The following SIPA1L2 variants were observed in gnomAD, a reference collection of about 807,000 sequenced individuals.
SIPA1L2 encodes signal induced proliferation associated 1 like 2.
A neutral mutation model predicts 163.9 loss-of-function variants in SIPA1L2; 56 were observed. That is an observed-to-expected ratio of 0.34 (90% CI 0.28 to 0.43). SIPA1L2 has a LOEUF of 0.43. Ranked by LOEUF, SIPA1L2 falls within the 20% of genes least tolerant of loss-of-function variation. The pLI is 1.00. For missense variants in SIPA1L2, 1,974 were observed against 2,193.5 expected (o/e 0.90, Z 2.00); for synonymous variants, 877 against 865.7 (o/e 1.01, Z -0.23).
chr1:232,469,237 C>T (rs192769026), intron 8 of SIPA1L2, among the ~76,000 whole-genome samples: 171 of 152,342 alleles, frequency 1.1e-3, no homozygotes, highest in Admixed American at 2.4e-3. Flanking sequence ...AAACAGCTTT[C>T]ACGGGAGCTT....
intron 2 of SIPA1L2, among the ~76,000 whole-genome samples, chr1:232,543,840 A>C (rs1657844326): frequency 6.6e-6 from 1 of 152,162 alleles, no homozygotes; most frequent in Admixed American, 6.5e-5. Flanking sequence ...TGCACTCCAG[A>C]CTGGGTGACA....
chr1:232,483,824 A>T lies in SIPA1L2; in HGVS notation c.1949T>A (p.Phe650Tyr). 1 of 1,613,998 alleles carries T rather than the reference A, an allele frequency of 6.2e-7. No homozygotes were observed. The highest frequency in any genetic ancestry group is 8.5e-7 in the Non-Finnish European group (1 of 1,179,930). Reference protein sequence around the residue: ...LLGQRVRLKGFSKYRAQLDNK... With the variant: ...LLGQRVRLKGYSKYRAQLDNK... ...GTCTAGCTGAGCTCGATATTTACTA[A>T]ATCCTTTCAGTCGGACTCTCTGGCC... Residue 650 changes from phenylalanine to tyrosine, a missense_variant, in exon 6 of 23, where the codon TTT (phenylalanine) becomes TAT (tyrosine). Phe to Tyr is a conservative substitution (Grantham distance 22). Coordinates refer to ENST00000674635, the MANE Select transcript of SIPA1L2 (RefSeq NM_020808.5).
chr1:232,402,377 C>T lies in SIPA1L2; in HGVS notation c.5022+15G>A. The T allele has an allele frequency of 6.2e-7, 1 of 1,609,824 alleles. No homozygotes were observed. The highest frequency in any genetic ancestry group is 1.1e-5 in the South Asian group (1 of 90,724). On this transcript the variant is annotated intron_variant, in intron 22 of 22. Coordinates refer to ENST00000674635, the MANE Select transcript of SIPA1L2 (RefSeq NM_020808.5). ...TAAGAGAAACAGTTCTGATTATGCT[C>T]TTCCAATTGATTACCTTCCGAAGGT... is the stretch of plus-strand genomic sequence containing the variant.
chr1:232,402,463 G>A lies in SIPA1L2; in HGVS notation c.4951C>T (p.Pro1651Ser), dbSNP rs371483936. The stretch of plus-strand genomic sequence containing the variant: ...TTGACTTTCCCGGTCAGTGGTGATG[G>A]AGAACGCTCCCTAGCAAATAAGGAT... ...EFMDTTGERS[P>S]SPLTGKVNQL... Residue 1651 changes from proline to serine, a missense_variant, in exon 22 of 23, where the codon CCA becomes TCA. Physicochemically the swap from Pro to Ser is moderately conservative, Grantham distance 74 (BLOSUM62 -1). This residue lies in a region of SIPA1L2 where 1,079 missense variants were observed against 1,150.7 expected (regional missense o/e 0.94). Coordinates refer to ENST00000674635, the MANE Select transcript of SIPA1L2 (RefSeq NM_020808.5). 19 of 1,613,290 alleles carry A rather than the reference G, an allele frequency of 1.2e-5. No individual in the cohort carries two copies. Among genetic ancestry groups the A allele is most frequent in the Non-Finnish European group, 1.1e-5 (13 of 1,179,398 alleles).
At chr1:232,555,174 C>T (rs1658627184) in intron 2 of SIPA1L2, among the ~76,000 whole-genome samples, 1 of 152,174 alleles carries the variant, frequency 6.6e-6, no homozygotes, top group East Asian at 1.9e-4. Context: ...TGAAACCACC[C>T]AAACATTATT....
chr1:232,465,832 A>G lies in SIPA1L2; in HGVS notation c.2244-416T>C, dbSNP rs1401762541. ...TCCAACTGACTGGTGTCCTTATAAG[A>G]GGAGAAAATTTGGGCTTACAAAGAG... On this transcript the variant is annotated intron_variant, in intron 8 of 22. Coordinates refer to ENST00000674635, the MANE Select transcript of SIPA1L2 (RefSeq NM_020808.5). This position sits in a 1 kb window ranked among gnomAD's most constrained non-coding sequence, Gnocchi z 4.1. Among the ~76,000 whole-genome samples, 1 of 151,328 alleles carries G rather than the reference A, an allele frequency of 6.6e-6. No homozygotes were observed. The highest frequency in any genetic ancestry group is 1.5e-5 in the Non-Finnish European group (1 of 67,930).
intron 3 of SIPA1L2, among the ~76,000 whole-genome samples, chr1:232,509,866 A>G (rs920484676): frequency 7.9e-5 from 12 of 152,186 alleles, no homozygotes; most frequent in Non-Finnish European, 1.8e-4. Flanking sequence ...CGCTGGAGAG[A>G]GAACAGAGCA....
chr1:232,622,979 C>T (rs1339276781), intron 1 of SIPA1L2, among the ~76,000 whole-genome samples: 1 of 152,178 alleles, frequency 6.6e-6, no homozygotes, highest in African/African-American at 2.4e-5. Flanking sequence ...CACCTAAGTG[C>T]AGGGAATACA....
At chr1:232,524,976 T>A (rs75003174) in intron 2 of SIPA1L2, among the ~76,000 whole-genome samples, 2,307 of 152,232 alleles carry the variant, frequency 0.015, 61 homozygotes, top group African/African-American at 0.053. Flanking sequence ...AACATTTTTT[T>A]AAGATCCTTC....
chr1:232,466,169 C>T (rs1168189787), intron 8 of SIPA1L2, among the ~76,000 whole-genome samples: 2 of 152,098 alleles, frequency 1.3e-5, no homozygotes, highest in Non-Finnish European at 2.9e-5. Flanking sequence ...GCTCTTCTGA[C>T]CAAAGTGGGT....
intron 3 of SIPA1L2, among the ~76,000 whole-genome samples, chr1:232,498,652 C>T (rs1666318447): frequency 6.6e-6 from 1 of 152,202 alleles, no homozygotes; most frequent in Non-Finnish European, 1.5e-5. Flanking sequence ...ATGGCCCTTC[C>T]TCCATCTTCA....
chr1:232,491,452 T>C (rs944917984), intron 4 of SIPA1L2, among the ~76,000 whole-genome samples: 3 of 152,096 alleles, frequency 2.0e-5, no homozygotes, highest in Admixed American at 2.0e-4. Flanking sequence ...ATCCTCCCTT[T>C]CTCCCATCTC....
Position 232,514,121 on chromosome 1 carries a change from G to C in SIPA1L2, c.1219C>G (p.Leu407Val). The part of the protein sequence containing the change: ...EGDGKSNDLV[L>V]SCPYFRNETG... ...TCATTTCTAAAGTAAGGACAACTAA[G>C]GACGAGGTCGTTACTTTTCCCATCA... The change falls in exon 3 of 23, where the codon CTT (leucine) becomes GTT (valine). Residue 407 changes from leucine to valine, a missense_variant. By Grantham distance (32) the Leu-to-Val change is conservative (BLOSUM62 1). Transcript: ENST00000674635. 4 of 1,614,218 alleles carry C rather than the reference G, an allele frequency of 2.5e-6. No individual in the cohort carries two copies. The highest frequency in any genetic ancestry group is 3.4e-6 in the Non-Finnish European group (4 of 1,180,030).
intron 1 of SIPA1L2, among the ~76,000 whole-genome samples, chr1:232,599,077 C>A (rs555802519): frequency 6.6e-6 from 1 of 152,032 alleles, no homozygotes; most frequent in Non-Finnish European, 1.5e-5. Flanking sequence ...CAAATCCATT[C>A]GATTCAATAA....
At chr1:232,441,968 G>T in intron 12 of SIPA1L2, 100 bp from the exon 13 acceptor site, 4 of 945,640 alleles carry the variant, frequency 4.2e-6, no homozygotes, top group Non-Finnish European at 6.3e-6. Flanking sequence ...GCGAGGGAAA[G>T]CCCTATCCAG....
intron 1 of SIPA1L2, among the ~76,000 whole-genome samples, chr1:232,581,838 G>A (rs79821801): frequency 0.024 from 3,591 of 152,028 alleles, 139 homozygotes; most frequent in African/African-American, 0.082. Context: ...CATCCTTTGC[G>A]CCTAAAAGCC....
intron 18 of SIPA1L2, among the ~76,000 whole-genome samples, chr1:232,421,263 A>C (rs1029670788): frequency 6.6e-6 from 1 of 152,128 alleles, no homozygotes; most frequent in African/African-American, 2.4e-5. Flanking sequence ...ATGAATTCTG[A>C]AAGGGGGGTA....
At chr1:232,559,610 A>G (rs1442813700) in intron 2 of SIPA1L2, among the ~76,000 whole-genome samples, 1 of 152,262 alleles carries the variant, frequency 6.6e-6, no homozygotes, top group Non-Finnish European at 1.5e-5. Context: ...ACAAACATAC[A>G]TACACAGACA....
At chr1:232,509,887 G>C (rs944456194) in intron 3 of SIPA1L2, among the ~76,000 whole-genome samples, 2 of 152,154 alleles carry the variant, frequency 1.3e-5, no homozygotes, top group Non-Finnish European at 2.9e-5. Context: ...GCCGGGGCTC[G>C]GCCTTCTTCT....
Sources: allele counts gnomAD v4.1 joint callset (sites outside exome capture counted in the v4.1 genomes callset), GRCh38; gene constraint gnomAD v4.1.1; regional missense constraint gnomAD v4.1.1; non-coding constraint Gnocchi (gnomAD v3.1); transcripts MANE v1.5; gene names NCBI Gene and HGNC (gene_info 2026-07-23, HGNC 2026-07-21).